The following CCDC85A variants were observed in gnomAD, a reference collection of about 807,000 sequenced individuals.
CCDC85A encodes the protein coiled-coil domain containing 85A.
CCDC85A carries 38 observed loss-of-function variants against 50.2 expected under a neutral mutation model. The ratio of observed to expected loss-of-function variants is 0.76; its 90% CI spans 0.58 to 0.99. The LOEUF is 0.99. Among genes scored for constraint, CCDC85A ranks in the 50% least tolerant of loss-of-function variants. The probability of loss-of-function intolerance (pLI) is 0.00; values close to 1 mark genes in which losing one functional copy is unlikely to be tolerated. For synonymous variants in CCDC85A, 366 were observed against 301.4 expected (o/e 1.21, Z -2.22); for missense variants, 820 against 742.0 (o/e 1.11, Z -1.22).
intron 3 of CCDC85A, among the ~76,000 whole-genome samples, chr2:56,345,151 A>T (rs1422779125): frequency 1.3e-5 from 2 of 152,168 alleles, no homozygotes; most frequent in Non-Finnish European, 2.9e-5. Context: ...TTTGAAATAC[A>T]TTACTATTTT....
chr2:56,229,695 T>C (rs1314239651), intron 2 of CCDC85A, among the ~76,000 whole-genome samples: 1 of 152,174 alleles, frequency 6.6e-6, no homozygotes, highest in Non-Finnish European at 1.5e-5. Context: ...AGAACCATAT[T>C]GAAGCATAGT....
At chr2:56,342,348 C>A (rs1674414429) in intron 2 of CCDC85A, among the ~76,000 whole-genome samples, 1 of 152,056 alleles carries the variant, frequency 6.6e-6, no homozygotes, top group Non-Finnish European at 1.5e-5. Context: ...TAAAAGTCTT[C>A]CTCTGAAATG....
chr2:56,290,899 T>C (rs1671671807), intron 2 of CCDC85A, among the ~76,000 whole-genome samples: 1 of 152,214 alleles, frequency 6.6e-6, no homozygotes, highest in South Asian at 2.1e-4. Context: ...TCAGGTTTCC[T>C]TACTGTAATT....
At chr2:56,348,981 A>C (rs558578795) in intron 3 of CCDC85A, among the ~76,000 whole-genome samples, 1 of 152,298 alleles carries the variant, frequency 6.6e-6, no homozygotes, top group South Asian at 2.1e-4. Flanking sequence ...GTTGTACAAA[A>C]ACTGTCACAG....
At chr2:56,332,589 C>A (rs904142699) in intron 2 of CCDC85A, among the ~76,000 whole-genome samples, 2 of 152,104 alleles carry the variant, frequency 1.3e-5, no homozygotes, top group South Asian at 4.1e-4. Context: ...CAGGCCATAG[C>A]ACTCCCCAAC....
At chr2:56,252,228 A>G (rs560571022) in intron 2 of CCDC85A, among the ~76,000 whole-genome samples, 4 of 152,006 alleles carry the variant, frequency 2.6e-5, no homozygotes, top group African/African-American at 9.6e-5. Flanking sequence ...TTGTATTTTT[A>G]GTAGAGACAG....
At position 56,184,744 on chromosome 2, in the gene CCDC85A, G is replaced by A. The variant is rs746318030; in HGVS notation, c.120G>A (p.Ser40=). The A allele has an allele frequency of 1.3e-6, 2 of 1,543,276 alleles. No homozygotes were observed. Among genetic ancestry groups the A allele is most frequent in the South Asian group, 2.4e-5 (2 of 83,538 alleles). The part of the protein sequence containing the change: ...PAPVEDLSKV[S]DEELLQWSKE... ...CGGTGGAGGACCTGTCCAAAGTGTC[G>A]GACGAGGAGCTGCTGCAGTGGAGCA... is the stretch of plus-strand genomic sequence containing the variant. Residue 40 remains serine, a synonymous_variant, in exon 1 of 6, where the codon TCG becomes TCA. Coordinates refer to ENST00000407595, the MANE Select transcript of CCDC85A (RefSeq NM_001080433.2).
At chr2:56,198,347 A>G (rs1026917023) in intron 2 of CCDC85A, among the ~76,000 whole-genome samples, 12 of 152,258 alleles carry the variant, frequency 7.9e-5, no homozygotes, top group African/African-American at 2.7e-4. Flanking sequence ...GTTATGGAAC[A>G]CCAGAACTGA....
intron 2 of CCDC85A, among the ~76,000 whole-genome samples, chr2:56,308,792 C>A (rs374204968): frequency 6.6e-6 from 1 of 152,132 alleles, no homozygotes; most frequent in African/African-American, 2.4e-5. Flanking sequence ...TTGACCGCTG[C>A]GCTGTAGTAG....
At chr2:56,331,896 T>C (rs1431027530) in intron 2 of CCDC85A, among the ~76,000 whole-genome samples, 1 of 152,204 alleles carries the variant, frequency 6.6e-6, no homozygotes, top group Non-Finnish European at 1.5e-5. Flanking sequence ...ATTTTTCTCT[T>C]CACAAAAAAA....
chr2:56,293,277 G>A (rs1430803519), intron 2 of CCDC85A, among the ~76,000 whole-genome samples: 1 of 152,198 alleles, frequency 6.6e-6, no homozygotes, highest in African/African-American at 2.4e-5. Flanking sequence ...CTAGCCATAT[G>A]CAGAAAATTG....
chr2:56,189,701 C>G (rs574998342), intron 1 of CCDC85A, among the ~76,000 whole-genome samples: 14 of 152,276 alleles, frequency 9.2e-5, no homozygotes, highest in Admixed American at 2.0e-4. Context: ...AGGTACTGAG[C>G]ATAGTATCCG....
At chr2:56,237,688 C>A (rs1040460100) in intron 2 of CCDC85A, among the ~76,000 whole-genome samples, 1 of 151,960 alleles carries the variant, frequency 6.6e-6, no homozygotes, top group African/African-American at 2.4e-5. Flanking sequence ...TCAGATCTCA[C>A]CATCTTTTTG....
chr2:56,248,557 T>A (rs1669611754), intron 2 of CCDC85A, among the ~76,000 whole-genome samples: 1 of 152,178 alleles, frequency 6.6e-6, no homozygotes, highest in Non-Finnish European at 1.5e-5. Context: ...ATTGACTCAG[T>A]CCTGCCTGGG....
intron 2 of CCDC85A, among the ~76,000 whole-genome samples, chr2:56,283,467 A>AAAGT (rs1671295639): frequency 6.6e-6 from 1 of 152,178 alleles, no homozygotes; most frequent in African/African-American, 2.4e-5. Context: ...CTTGGTTATG[A>AAAGT]AAGTTTCTTT....
chr2:56,277,209 A>T (rs1670991562), intron 2 of CCDC85A, among the ~76,000 whole-genome samples: 1 of 152,140 alleles, frequency 6.6e-6, no homozygotes, highest in African/African-American at 2.4e-5. Flanking sequence ...TATGCCTTTT[A>T]TGTCTGTTTT....
intron 2 of CCDC85A, among the ~76,000 whole-genome samples, chr2:56,338,664 C>T (rs1486349015): frequency 6.6e-6 from 1 of 152,082 alleles, no homozygotes; most frequent in Non-Finnish European, 1.5e-5. Context: ...TGGTTATGCA[C>T]TACTAGTCAG....
At chr2:56,293,630 A>G (rs1260524120) in intron 2 of CCDC85A, among the ~76,000 whole-genome samples, 1 of 151,628 alleles carries the variant, frequency 6.6e-6, no homozygotes, top group African/African-American at 2.4e-5. Flanking sequence ...CAACTCCATC[A>G]AAAAGTGGGC....
intron 2 of CCDC85A, among the ~76,000 whole-genome samples, chr2:56,259,296 C>G (rs1324658537): frequency 1.3e-5 from 2 of 152,100 alleles, no homozygotes; most frequent in African/African-American, 4.8e-5. Flanking sequence ...AGAGGCTGGC[C>G]TATTGGAAGT....
Sources: gnomAD v4.1 joint callset for allele counts (sites outside exome capture counted in the v4.1 genomes callset) on GRCh38, gnomAD v4.1.1 for gene constraint, MANE v1.5 for transcripts, NCBI Gene and HGNC (gene_info 2026-07-23, HGNC 2026-07-21) for gene names.